The following CLSPN variants were observed in gnomAD, a reference collection of about 807,000 sequenced individuals.
The protein encoded by CLSPN is claspin homolog.
Under a neutral mutation model 156.3 loss-of-function variants are expected in CLSPN, and 85 were observed. The ratio of observed to expected loss-of-function variants is 0.54; its 90% confidence interval spans 0.46 to 0.65. CLSPN has a LOEUF of 0.65. Ranked by LOEUF, CLSPN falls within the 30% of genes least tolerant of loss-of-function variation. The pLI, the probability that CLSPN is intolerant of heterozygous loss-of-function variation, is 0.00. For missense variants in CLSPN, 1,407 were observed against 1,554.9 expected, an observed-to-expected ratio of 0.90 and a Z score of 1.60; for synonymous variants, 534 against 542.4, an observed-to-expected ratio of 0.98 and a Z score of 0.22.
At chr1:35,720,895 C>G (rs1240902029) in exon 25 of CLSPN, 1 of 1,610,646 alleles carries the variant, frequency 6.2e-7, no homozygotes, top group South Asian at 1.1e-5. Flanking sequence ...CCCAGCTTAA[C>G]CATGTGGGTC....
At chr1:35,721,692 C>T (rs1449892502) in intron 24 of CLSPN, among the ~76,000 whole-genome samples, 1 of 151,726 alleles carries the variant, frequency 6.6e-6, no homozygotes. Context: ...CTGGCCGATG[C>T]TATCACCTTC....
intron 2 of CLSPN, 59 bp from the exon 3 acceptor site, chr1:35,764,773 T>C: frequency 9.3e-7 from 1 of 1,072,126 alleles, no homozygotes. Context: ...CTAGTCCCAC[T>C]ACTCCTCAAA....
Position 35,749,802 on chromosome 1 carries a change from A to C in CLSPN, c.2038T>G (p.Phe680Val). The C allele has an allele frequency of 1.2e-6, 2 of 1,613,918 alleles. No homozygotes were observed. Among genetic ancestry groups the C allele is most frequent in the Non-Finnish European group, 1.7e-6 (2 of 1,179,910 alleles). ...TCTATTTCTTCACTACTAAGAAGGA[A>C]TTCTGCAGTCTTTACCAATCAGGCC... ...EEEGNQETAE[F>V]LLSSEEIETK... is the part of the protein sequence containing the mutation. The change falls in exon 11 of 25, where the codon TTC becomes GTC. Residue 680 changes from phenylalanine (F) to valine (V), a missense_variant. Transcript: ENST00000318121.
chr1:35,733,323 T>C lies in CLSPN; in HGVS notation c.*3173A>G, dbSNP rs1225784405. On this transcript the variant is annotated 3_prime_UTR_variant, in exon 25 of 25. Coordinates refer to ENST00000318121, the MANE Select transcript of CLSPN (RefSeq NM_022111.4). ...GCACTAATTTTCTTTTTTTTTTCTT[T>C]TTTTTTTTTTTTTTAGAGTTGGGAT... 1.3e-5 allele frequency: 3 copies of C among 239,738 alleles called. No individual in the cohort carries two copies. Among genetic ancestry groups the C allele is most frequent in the East Asian group, 3.6e-4 (2 of 5,540 alleles). The allele number at this position is 239,738 out of a possible 1,614,324, so 14.9% of individuals were successfully genotyped here.
At chr1:35,754,020 C>G in intron 8 of CLSPN, 84 bp from the exon 9 acceptor site, 2 of 1,270,242 alleles carry the variant, frequency 1.6e-6, no homozygotes, top group Non-Finnish European at 2.2e-6. Flanking sequence ...TTTTTTTTAG[C>G]TCAACAATTA....
At chr1:35,763,095 A>C in intron 4 of CLSPN, 65 bp downstream of exon 4, 1 of 1,305,582 alleles carries the variant, frequency 7.7e-7, no homozygotes, top group Non-Finnish European at 1.0e-6. Context: ...TCCAACAGTA[A>C]ATTAAAAATA....
At chr1:35,744,685 T>A (rs1004001592) in intron 16 of CLSPN, among the ~76,000 whole-genome samples, 2 of 152,232 alleles carry the variant, frequency 1.3e-5, no homozygotes, top group African/African-American at 4.8e-5. Flanking sequence ...GTCGCTTTCA[T>A]GTTTTGACTA....
chr1:35,757,720 G>A (rs1642322705), intron 8 of CLSPN, among the ~76,000 whole-genome samples: 1 of 152,192 alleles, frequency 6.6e-6, no homozygotes, highest in Non-Finnish European at 1.5e-5. Flanking sequence ...TTCCCTCAGT[G>A]TTCCGGACAA....
In CLSPN at chr1:35,733,593, TAG is replaced by T. The variant is rs994148906; in HGVS notation, c.*2901_*2902del. ...GGGCTACTTTGCCTTGGGAACTGTT[TAG>T]AGAGTTCAAAGAAAGAGGCAAAAAC... On this transcript the variant is annotated 3_prime_UTR_variant, in exon 25 of 25. Coordinates refer to ENST00000318121, the MANE Select transcript of CLSPN (RefSeq NM_022111.4). The T allele has an allele frequency of 1.0e-6, 1 of 985,338 alleles. No homozygotes were observed. The highest frequency in any genetic ancestry group is 1.2e-6 in the Non-Finnish European group (1 of 829,922). 61.0% of individuals were successfully genotyped at this position (985,338 alleles called of 1,614,324 possible). A position where few individuals can be genotyped will look rare whatever the true frequency, so the allele number is the denominator to read the frequency against.
chr1:35,765,411 C>T, intron 1 of CLSPN, 85 bp from the exon 2 acceptor site: 1 of 870,710 alleles, frequency 1.1e-6, no homozygotes, highest in Non-Finnish European at 1.9e-6. Context: ...ATCGTGGGAT[C>T]ATCAACCTGA....
chr1:35,761,637 G>A (rs1420751105), intron 6 of CLSPN, among the ~76,000 whole-genome samples: 2 of 152,084 alleles, frequency 1.3e-5, no homozygotes, highest in South Asian at 2.1e-4. Flanking sequence ...TGTATACAGC[G>A]TGATACTCTG....
At chr1:35,739,015 G>C in intron 20 of CLSPN, 121 bp downstream of exon 20, 2 of 1,127,548 alleles carry the variant, frequency 1.8e-6, no homozygotes, top group Non-Finnish European at 2.5e-6. Flanking sequence ...TGTTCAGGCT[G>C]GTCCTGAACT....
At position 35,733,223 on chromosome 1, in the gene CLSPN, C is replaced by T. The variant is rs1641359657; in HGVS notation, c.*3273G>A. Among the ~76,000 whole-genome samples, 5 of 152,208 alleles carry T rather than the reference C, an allele frequency of 3.3e-5. No individual in the cohort carries two copies. In the South Asian group the frequency reaches 8.3e-4, roughly 25 times the overall value. ...CCTTAGGTGATCCAGCTGCCTCAGC[C>T]TCCCAAAGTGCTGAGATTACAGGCA... On this transcript the variant is annotated 3_prime_UTR_variant, in exon 25 of 25. Transcript: ENST00000318121.
At chr1:35,726,059 C>T (rs1173717464) in intron 24 of CLSPN, among the ~76,000 whole-genome samples, 3 of 138,834 alleles carry the variant, frequency 2.2e-5, no homozygotes, top group Non-Finnish European at 4.6e-5. Context: ...AGGCAAGCAT[C>T]GTTCTTTGAG....
intron 1 of CLSPN, among the ~76,000 whole-genome samples, chr1:35,766,756 CCTTTTTT>C (rs1642691987): frequency 6.7e-6 from 1 of 149,368 alleles, no homozygotes; most frequent in Admixed American, 6.7e-5. Context: ...ATGTATATTT[CCTTTTTT>C]CTTTTTTTGA....
chr1:35,760,720 A>T lies in CLSPN; in HGVS notation c.1201T>A (p.Leu401Met), dbSNP rs775866026. The change falls in exon 8 of 25, where the codon TTG becomes ATG. Residue 401 changes from leucine (L) to methionine (M), a missense_variant. This residue lies in a region of CLSPN where 1,096 missense variants were observed against 1,193.0 expected (regional missense o/e 0.92). Coordinates refer to ENST00000318121, the MANE Select transcript of CLSPN (RefSeq NM_022111.4). ...TGSDESCRKDLVKNEELEIQE... is the reference protein window; with the variant it reads ...TGSDESCRKDMVKNEELEIQE... Reference sequence around the variant, plus strand: ...ATTTCTAGCTCTTCATTTTTTACCAAATCCTTCCTGCAAGACTCATCTGAT... The same window carrying T: ...ATTTCTAGCTCTTCATTTTTTACCATATCCTTCCTGCAAGACTCATCTGAT... 3 of 1,613,902 alleles carry T rather than the reference A, an allele frequency of 1.9e-6. No individual in the cohort carries two copies. The African/African-American group carries it at 4.0e-5, about 22-fold the overall frequency.
Position 35,763,247 on chromosome 1 carries a change from C to A in CLSPN, c.657G>T (p.Leu219Phe), listed in dbSNP as rs768888954. The change falls in exon 4 of 25, where the codon TTG becomes TTT. Residue 219 changes from leucine to phenylalanine, a missense_variant. Leu to Phe is a conservative substitution (Grantham distance 22). Transcript: ENST00000318121. ...LVDKDLFETG[L>F]EDENNSPLED... ...CCAATGGAGAGTTATTTTCATCCTCCAACCCAGTTTCAAAAAGGTCTTTAT... is the reference window on the plus strand; with the variant it reads ...CCAATGGAGAGTTATTTTCATCCTCAAACCCAGTTTCAAAAAGGTCTTTAT... 1.9e-5 allele frequency: 31 copies of A among 1,609,536 alleles called. No individual in the cohort carries two copies. The highest frequency in any genetic ancestry group is 5.9e-6 in the Non-Finnish European group (7 of 1,178,664).
chr1:35,768,637 A>G (rs1642758380), intron 1 of CLSPN, among the ~76,000 whole-genome samples: 1 of 150,902 alleles, frequency 6.6e-6, no homozygotes, highest in African/African-American at 2.4e-5. Context: ...GCTGGTTTCG[A>G]ACTCTTGAGC....
Position 35,745,560 on chromosome 1 carries a change from C to A in CLSPN, c.2857G>T (p.Ala953Ser), listed in dbSNP as rs1305464942. Residue 953 changes from alanine to serine, a missense_variant and splice_region_variant, in exon 16 of 25, where the codon GCC becomes TCC. Coordinates refer to ENST00000318121, the MANE Select transcript of CLSPN (RefSeq NM_022111.4). ...AACTCTGATGAGGCTGGAGTGGAGG[C>A]ATCTACATCACAACAAGGAAAAGAT... ...LCSGKFTSQDASTPASSELNK... is the reference protein window; with the variant it reads ...LCSGKFTSQDSSTPASSELNK... The A allele has an allele frequency of 6.3e-7, 1 of 1,598,206 alleles. No homozygotes were observed. Among genetic ancestry groups the A allele is most frequent in the Non-Finnish European group, 8.6e-7 (1 of 1,165,720 alleles).
Sources: allele counts gnomAD v4.1 joint callset (sites outside exome capture counted in the v4.1 genomes callset), GRCh38; gene constraint gnomAD v4.1.1; regional missense constraint gnomAD v4.1.1; transcripts MANE v1.5; gene names NCBI Gene and HGNC (gene_info 2026-07-23, HGNC 2026-07-21).